Variants in FHIT observed in about 807,000 individuals in gnomAD.
The protein encoded by FHIT is fragile histidine triad diadenosine triphosphatase, also known as bis(5'-adenosyl)-triphosphatase.
FHIT carries 19 observed loss-of-function variants against 17.9 expected under a neutral mutation model. The ratio of observed to expected loss-of-function variants is 1.06; its 90% CI spans 0.74 to 1.56. The LOEUF (loss-of-function observed/expected upper bound fraction) is 1.56. FHIT is among the 40% of genes most tolerant of loss of function. FHIT has a pLI of 0.00. For missense variants in FHIT, 248 were observed against 189.2 expected, an observed-to-expected ratio of 1.31 and a Z score of -1.82; for synonymous variants, 81 against 69.7, an observed-to-expected ratio of 1.16 and a Z score of -0.81.
intron 5 of FHIT, among the ~76,000 whole-genome samples, chr3:60,344,456 G>T (rs1401360474): frequency 6.6e-6 from 1 of 152,184 alleles, no homozygotes. Flanking sequence ...GTTGGAAACA[G>T]ATTGAGAAAA....
chr3:60,150,917 TC>T (rs1037065583), intron 5 of FHIT, among the ~76,000 whole-genome samples: 5 of 132,450 alleles, frequency 3.8e-5, no homozygotes, highest in Admixed American at 2.3e-4. Flanking sequence ...AGACTCCGCC[TC>T]AAAAAAAAAA....
chr3:60,702,926 C>T (rs1167948256), intron 4 of FHIT, among the ~76,000 whole-genome samples: 1 of 152,146 alleles, frequency 6.6e-6, no homozygotes, highest in South Asian at 2.1e-4. Flanking sequence ...ATTTCTAATA[C>T]ATTTTATCAC....
chr3:61,157,290 C>T (rs550332080), intron 2 of FHIT, among the ~76,000 whole-genome samples: 1 of 152,182 alleles, frequency 6.6e-6, no homozygotes, highest in Admixed American at 6.5e-5. Flanking sequence ...TGATGAGACA[C>T]ACTTGAATGG....
chr3:59,950,228 G>T (rs1193450888), intron 7 of FHIT, among the ~76,000 whole-genome samples: 2 of 152,150 alleles, frequency 1.3e-5, no homozygotes, highest in African/African-American at 4.8e-5. Flanking sequence ...TATAAGAATT[G>T]TCACTGCTGT....
At chr3:60,272,050 C>G (rs2107629200) in intron 5 of FHIT, among the ~76,000 whole-genome samples, 1 of 152,018 alleles carries the variant, frequency 6.6e-6, no homozygotes, top group Non-Finnish European at 1.5e-5. Flanking sequence ...CAGAGGCAGC[C>G]TGGTTCCAGA....
chr3:60,131,069 ATGTATG>A, intron 5 of FHIT, among the ~76,000 whole-genome samples: 1 of 48,506 alleles, frequency 2.1e-5, no homozygotes, highest in Admixed American at 2.2e-4. Context: ...ATACACATGT[ATGTATG>A]TATACACATA....
intron 5 of FHIT, among the ~76,000 whole-genome samples, chr3:60,440,983 G>A (rs972398360): frequency 6.6e-6 from 1 of 152,082 alleles, no homozygotes; most frequent in Non-Finnish European, 1.5e-5. Flanking sequence ...GAACTTGTGT[G>A]ATATAATAAC....
chr3:60,042,325 C>T (rs1039860884), intron 5 of FHIT, among the ~76,000 whole-genome samples: 1 of 152,212 alleles, frequency 6.6e-6, no homozygotes, highest in African/African-American at 2.4e-5. Context: ...ATCGATATAT[C>T]CTTTGTAGGA....
chr3:60,815,165 G>T (rs570121307), intron 4 of FHIT, among the ~76,000 whole-genome samples: 1 of 152,100 alleles, frequency 6.6e-6, no homozygotes, highest in African/African-American at 2.4e-5. Context: ...TGTGTAATTT[G>T]TGAATATTTT....
rs149507177 is a variant in FHIT, at chr3:60,081,748, G to T, written c.104-67596C>A. Among the ~76,000 whole-genome samples the T allele has an allele frequency of 6.7e-3, 1,026 of 152,212 alleles. 10 individuals carry two copies. The highest frequency in any genetic ancestry group is 0.01 in the Admixed American group (156 of 15,274). On this transcript the variant is annotated intron_variant, in intron 5 of 9. Coordinates refer to ENST00000492590, the MANE Select transcript of FHIT (RefSeq NM_002012.4). ...CTGTGGGGTGTGTGAATATGTGTGT[G>T]TGTTTTGAGAGATATATACAGGACC...
intron 2 of FHIT, among the ~76,000 whole-genome samples, chr3:61,087,666 C>A (rs970697670): frequency 1.3e-5 from 2 of 152,126 alleles, no homozygotes; most frequent in South Asian, 4.1e-4. Flanking sequence ...TGGTAAAATG[C>A]TAAGTAATTC....
intron 5 of FHIT, among the ~76,000 whole-genome samples, chr3:60,307,064 T>C (rs999671485): frequency 6.6e-6 from 1 of 152,140 alleles, no homozygotes; most frequent in African/African-American, 2.4e-5. Flanking sequence ...TTGACATGAC[T>C]ATCTCTTTCT....
intron 4 of FHIT, among the ~76,000 whole-genome samples, chr3:60,681,908 C>A (rs907392218): frequency 1.3e-5 from 2 of 151,988 alleles, no homozygotes; most frequent in Non-Finnish European, 2.9e-5. Flanking sequence ...TATATAGATG[C>A]TGCAGCAAGT....
intron 8 of FHIT, among the ~76,000 whole-genome samples, chr3:59,771,868 C>A (rs929277085): frequency 6.6e-6 from 1 of 152,178 alleles, no homozygotes; most frequent in Non-Finnish European, 1.5e-5. Context: ...TGTATGACTC[C>A]TTTCCCTAGA....
At chr3:60,449,609 T>C (rs1179205053) in intron 5 of FHIT, among the ~76,000 whole-genome samples, 1 of 152,120 alleles carries the variant, frequency 6.6e-6, no homozygotes, top group African/African-American at 2.4e-5. Context: ...TCCTCCTAGA[T>C]ACAAACATGT....
intron 4 of FHIT, among the ~76,000 whole-genome samples, chr3:60,658,961 C>CT (rs34800096): frequency 0.12 from 16,292 of 138,078 alleles, 1,556 homozygotes; most frequent in African/African-American, 0.27. Flanking sequence ...ACTTCCTCAG[C>CT]TTTTTTTTTT....
chr3:59,988,641 A>G (rs569773926), intron 7 of FHIT, among the ~76,000 whole-genome samples: 53 of 152,082 alleles, frequency 3.5e-4, no homozygotes, highest in Non-Finnish European at 6.9e-4. Context: ...CTCCTGGTGA[A>G]GGATTTTAAT....
At chr3:60,347,689 G>GGGTTGTTTTTTTTTTTTT in intron 5 of FHIT, among the ~76,000 whole-genome samples, 1 of 85,300 alleles carries the variant, frequency 1.2e-5, no homozygotes, top group Admixed American at 1.2e-4. Flanking sequence ...GGGGGGGGGG[G>GGGTTGTTTTTTTTTTTTT]TTTGTTTTTT....
intron 3 of FHIT, among the ~76,000 whole-genome samples, chr3:61,024,715 A>G (rs1418297189): frequency 6.6e-6 from 1 of 152,158 alleles, no homozygotes; most frequent in Non-Finnish European, 1.5e-5. Flanking sequence ...AATATTTCAA[A>G]AGACAACGCA....
Sources: allele counts gnomAD v4.1 joint callset (sites outside exome capture counted in the v4.1 genomes callset), GRCh38; gene constraint gnomAD v4.1.1; transcripts MANE v1.5; gene names NCBI Gene and HGNC (gene_info 2026-07-23, HGNC 2026-07-21).